SGCZ: variants seen among roughly 807,000 people sequenced by gnomAD.
SGCZ encodes the protein zeta-sarcoglycan.
Under a neutral mutation model 41.3 loss-of-function variants are expected in SGCZ, and 40 were observed. That is an observed-to-expected ratio of 0.97 (90% confidence interval 0.75 to 1.26). The LOEUF is 1.26. SGCZ is among the 50% of genes most tolerant of loss of function. The pLI is 0.00. For missense variants in SGCZ, 552 were observed against 369.8 expected (o/e 1.49, Z -4.04); for synonymous variants, 206 against 137.5 (o/e 1.50, Z -3.49).
chr8:14,812,748 T>C (rs1249489072), intron 1 of SGCZ, among the ~76,000 whole-genome samples: 2 of 152,186 alleles, frequency 1.3e-5, no homozygotes, highest in Non-Finnish European at 2.9e-5. Flanking sequence ...TCCTGTCTTC[T>C]AGAAGATTTA....
At chr8:14,921,730 G>T (rs187420445) in intron 1 of SGCZ, among the ~76,000 whole-genome samples, 1 of 152,220 alleles carries the variant, frequency 6.6e-6, no homozygotes, top group East Asian at 1.9e-4. Context: ...AACATCTGCT[G>T]TGATGACAAC....
intron 1 of SGCZ, among the ~76,000 whole-genome samples, chr8:15,153,871 T>C (rs1459865077): frequency 6.6e-6 from 1 of 152,064 alleles, no homozygotes; most frequent in Non-Finnish European, 1.5e-5. Flanking sequence ...TTTCCAACCT[T>C]TTTGGCACCA....
chr8:14,478,582 G>T (rs1183201493), intron 2 of SGCZ, among the ~76,000 whole-genome samples: 1 of 148,562 alleles, frequency 6.7e-6, no homozygotes, highest in Non-Finnish European at 1.5e-5. Context: ...GCAGTGAAAC[G>T]CTACTGTAAA....
intron 1 of SGCZ, among the ~76,000 whole-genome samples, chr8:15,075,944 AC>A (rs1805514089): frequency 6.6e-6 from 1 of 152,088 alleles, no homozygotes; most frequent in Non-Finnish European, 1.5e-5. Flanking sequence ...AAAAAAAAAA[AC>A]ATTTTATGGA....
chr8:14,908,606 C>T (rs755985696), intron 1 of SGCZ, among the ~76,000 whole-genome samples: 42 of 151,858 alleles, frequency 2.8e-4, no homozygotes, highest in Non-Finnish European at 5.3e-4. Flanking sequence ...AAAAATTAGC[C>T]GGGCGTGGTG....
intron 1 of SGCZ, among the ~76,000 whole-genome samples, chr8:14,834,781 T>C (rs947696431): frequency 1.3e-5 from 2 of 152,074 alleles, no homozygotes; most frequent in African/African-American, 4.8e-5. Flanking sequence ...CTTGATAAGG[T>C]GGAAAGAGCA....
intron 1 of SGCZ, among the ~76,000 whole-genome samples, chr8:14,734,931 A>T (rs1355640945): frequency 1.3e-5 from 2 of 152,182 alleles, no homozygotes; most frequent in African/African-American, 4.8e-5. Context: ...GGGAATGGGT[A>T]TTCTGATTCA....
intron 2 of SGCZ, among the ~76,000 whole-genome samples, chr8:14,441,758 C>T (rs546704519): frequency 5.3e-5 from 8 of 152,088 alleles, no homozygotes; most frequent in South Asian, 2.1e-4. Context: ...TAAAACGGTA[C>T]ATCATTTTGC....
At chr8:14,549,667 C>T (rs1477814494) in intron 2 of SGCZ, among the ~76,000 whole-genome samples, 1 of 151,992 alleles carries the variant, frequency 6.6e-6, no homozygotes, top group African/African-American at 2.4e-5. Flanking sequence ...AGAAGAGGTA[C>T]ATATTTGGAT....
intron 1 of SGCZ, among the ~76,000 whole-genome samples, chr8:15,027,487 G>T (rs1476690119): frequency 6.6e-6 from 1 of 152,028 alleles, no homozygotes; most frequent in African/African-American, 2.4e-5. Flanking sequence ...GTTATATTGA[G>T]CTGAATGTAC....
chr8:14,651,247 A>T (rs1485450642), intron 1 of SGCZ, among the ~76,000 whole-genome samples: 1 of 152,108 alleles, frequency 6.6e-6, no homozygotes, highest in East Asian at 1.9e-4. Flanking sequence ...AATCCTCCTT[A>T]TGCAAGAACA....
At chr8:14,795,871 T>C (rs1378310238) in intron 1 of SGCZ, among the ~76,000 whole-genome samples, 1 of 152,164 alleles carries the variant, frequency 6.6e-6, no homozygotes, top group African/African-American at 2.4e-5. Flanking sequence ...TTCCCCTCTA[T>C]GTGTCCATAT....
intron 1 of SGCZ, among the ~76,000 whole-genome samples, chr8:14,574,328 AATT>A: frequency 6.7e-6 from 1 of 149,636 alleles, no homozygotes; most frequent in South Asian, 2.1e-4. Context: ...AAGAAACAAG[AATT>A]CCTTTTCCTC....
At chr8:14,734,438 G>C (rs191242319) in intron 1 of SGCZ, among the ~76,000 whole-genome samples, 1 of 152,062 alleles carries the variant, frequency 6.6e-6, no homozygotes, top group African/African-American at 2.4e-5. Context: ...CATTTGCCCC[G>C]AAACTTTTAT....
chr8:15,120,266 G>A (rs1172336205), intron 1 of SGCZ, among the ~76,000 whole-genome samples: 5 of 152,136 alleles, frequency 3.3e-5, no homozygotes, highest in Admixed American at 2.6e-4. Flanking sequence ...AAAAAGCTAT[G>A]TTTAAGCCTA....
At chr8:14,388,802 C>A (rs563455049) in intron 2 of SGCZ, among the ~76,000 whole-genome samples, 1 of 149,626 alleles carries the variant, frequency 6.7e-6, no homozygotes, top group East Asian at 2.0e-4. Flanking sequence ...ATATGTACTC[C>A]TGAACTTAAA....
intron 2 of SGCZ, among the ~76,000 whole-genome samples, chr8:14,550,692 G>A (rs1222342227): frequency 6.6e-6 from 1 of 151,904 alleles, no homozygotes; most frequent in Non-Finnish European, 1.5e-5. Context: ...ACCAGCAATA[G>A]GAGACCTGGG....
intron 2 of SGCZ, among the ~76,000 whole-genome samples, chr8:14,331,582 C>G (rs1185810264): frequency 6.6e-6 from 1 of 151,978 alleles, no homozygotes; most frequent in East Asian, 1.9e-4. Context: ...ATTGACAGAC[C>G]TAGGAATTTG....
At chr8:15,077,930 C>A (rs770119970) in intron 1 of SGCZ, among the ~76,000 whole-genome samples, 1 of 147,512 alleles carries the variant, frequency 6.8e-6, no homozygotes, top group East Asian at 2.0e-4. Flanking sequence ...ACTGGTCCCA[C>A]AAGTGTTTAC....
Sources: gnomAD v4.1 joint callset for allele counts (sites outside exome capture counted in the v4.1 genomes callset) on GRCh38, gnomAD v4.1.1 for gene constraint, MANE v1.5 for transcripts, NCBI Gene and HGNC (gene_info 2026-07-23, HGNC 2026-07-21) for gene names.